SPRR2G: variants seen among roughly 807,000 people sequenced by gnomAD.
SPRR2G encodes small proline rich protein 2G, also known as small proline-rich protein 2G.
SPRR2G carries 1 observed loss-of-function variant against 0.7 expected under a neutral mutation model. That is an observed-to-expected ratio of 1.49 (90% CI 0.53 to 7.06). The LOEUF is 7.06. Among genes scored for constraint, SPRR2G ranks in the 30% most tolerant of loss-of-function variants. The pLI is 0.14. For synonymous variants in SPRR2G, 38 were observed against 33.9 expected (o/e 1.12, Z -0.42); for missense variants, 96 against 88.5 (o/e 1.09, Z -0.34).
chr1:153,180,186 C>T, the SPRR2G span, among the ~76,000 whole-genome samples: 1 of 152,096 alleles, frequency 6.6e-6, no homozygotes, highest in Admixed American at 6.6e-5. Context: ...ACCATGCAAC[C>T]AATGCACAAA....
chr1:153,187,729 A>G, the SPRR2G span, among the ~76,000 whole-genome samples: 1 of 152,052 alleles, frequency 6.6e-6, no homozygotes. Context: ...TGCTCCATCC[A>G]GTTTTATGCC....
chr1:153,173,485 A>C, the SPRR2G span, among the ~76,000 whole-genome samples: 4 of 152,228 alleles, frequency 2.6e-5, no homozygotes, highest in African/African-American at 9.6e-5. Flanking sequence ...GAATCATGGG[A>C]TCAGAAGCAC....
intron 1 of SPRR2G, 109 bp from the exon 2 acceptor site, chr1:153,150,240 T>A (rs906223114): frequency 1.4e-6 from 2 of 1,460,772 alleles, no homozygotes; most frequent in Admixed American, 4.2e-5. Context: ...TGATCCCTAA[T>A]ACAGTCTTTA....
chr1:153,187,001 T>C, the SPRR2G span, among the ~76,000 whole-genome samples: 1 of 152,234 alleles, frequency 6.6e-6, no homozygotes, highest in East Asian at 1.9e-4. Context: ...GAAAATTCTT[T>C]TCTTTAGGAA....
chr1:153,172,905 A>G, the SPRR2G span, among the ~76,000 whole-genome samples: 1 of 152,168 alleles, frequency 6.6e-6, no homozygotes, highest in African/African-American at 2.4e-5. Context: ...CACTTTTTTC[A>G]AGGTGGGGTT....
the SPRR2G span, among the ~76,000 whole-genome samples, chr1:153,191,868 TTAAC>T: frequency 5.9e-3 from 894 of 152,296 alleles, 14 homozygotes; most frequent in African/African-American, 0.021. Flanking sequence ...TGCCTGTTGT[TTAAC>T]TATCCAGCTA....
At chr1:153,202,898 C>T in the SPRR2G span, among the ~76,000 whole-genome samples, 2 of 152,090 alleles carry the variant, frequency 1.3e-5, no homozygotes, top group Non-Finnish European at 2.9e-5. Flanking sequence ...CCACAAAGAC[C>T]CTGGTCAGGC....
At chr1:153,175,177 T>G in the SPRR2G span, among the ~76,000 whole-genome samples, 6 of 152,270 alleles carry the variant, frequency 3.9e-5, no homozygotes, top group South Asian at 6.2e-4. Context: ...TACCATCATC[T>G]CTCACTTGGA....
rs367866890 is a variant in SPRR2G, at chr1:153,150,152, A to C, written c.-21-21T>G. On this transcript the variant is annotated intron_variant, in intron 1 of 1. Coordinates refer to ENST00000368748, the MANE Select transcript of SPRR2G (RefSeq NM_001014291.4). ...AGAATCTGAAAGATACATACGAAAC[A>C]GTGCTCATAAGAGAGACAGTCCTGT... 33 of 1,608,496 alleles carry C rather than the reference A, an allele frequency of 2.1e-5. No individual in the cohort carries two copies. The East Asian group carries it at 7.1e-4, about 35-fold the overall frequency.
the SPRR2G span, among the ~76,000 whole-genome samples, chr1:153,172,085 C>G: frequency 6.6e-6 from 1 of 152,152 alleles, no homozygotes; most frequent in Non-Finnish European, 1.5e-5. Context: ...CAGCATCCTC[C>G]TGAATACATG....
At chr1:153,198,174 C>T in the SPRR2G span, among the ~76,000 whole-genome samples, 7 of 151,862 alleles carry the variant, frequency 4.6e-5, no homozygotes, top group Non-Finnish European at 8.8e-5. Context: ...AGCAAAAACT[C>T]GGAGTTTAAA....
chr1:153,193,433 CAT>C, the SPRR2G span, among the ~76,000 whole-genome samples: 2 of 152,216 alleles, frequency 1.3e-5, no homozygotes, highest in Non-Finnish European at 2.9e-5. Context: ...TGCCCTCAAA[CAT>C]GTGCATGCAC....
the SPRR2G span, among the ~76,000 whole-genome samples, chr1:153,200,111 T>G: frequency 2.6e-5 from 4 of 152,178 alleles, no homozygotes; most frequent in Non-Finnish European, 5.9e-5. Flanking sequence ...AATGGCCCAG[T>G]GACTTTTTTG....
At chr1:153,152,422 T>C (rs1656491410), upstream of SPRR2G, among the ~76,000 whole-genome samples, 1 of 152,142 alleles carries the variant, frequency 6.6e-6, no homozygotes, top group South Asian at 2.1e-4. Flanking sequence ...AGAAGAATGC[T>C]GTGTTGTATC....
At chr1:153,180,605 G>A in the SPRR2G span, among the ~76,000 whole-genome samples, 12 of 152,248 alleles carry the variant, frequency 7.9e-5, no homozygotes, top group Admixed American at 3.9e-4. Flanking sequence ...GTGACTATAT[G>A]TACACACTTC....
At chr1:153,186,527 G>A in the SPRR2G span, among the ~76,000 whole-genome samples, 1 of 152,040 alleles carries the variant, frequency 6.6e-6, no homozygotes, top group Non-Finnish European at 1.5e-5. Context: ...TCAGAGACTA[G>A]AATTGCAATC....
chr1:153,174,963 G>C, the SPRR2G span, among the ~76,000 whole-genome samples: 1 of 152,158 alleles, frequency 6.6e-6, no homozygotes, highest in South Asian at 2.1e-4. Flanking sequence ...CAGGCAGCAG[G>C]CTGTACCCTA....
chr1:153,164,622 CT>C, the SPRR2G span, among the ~76,000 whole-genome samples: 74 of 152,172 alleles, frequency 4.9e-4, 1 homozygote, highest in Admixed American at 1.6e-3. Context: ...TGTATATAAC[CT>C]ATATACATCC....
Position 153,149,904 on chromosome 1 carries a change from T to A in SPRR2G, c.207A>T (p.Pro69=). ...QPYPPCQQKY[P]PKSK ...TCTAGTGATGTTACTTGCTCTTGGG[T>A]GGATACTTCTGCTGGCAGGGTGGGT... Residue 69 remains proline, a synonymous_variant, in exon 2 of 2, where the codon CCA becomes CCT. Transcript: ENST00000368748. 2 of 1,614,084 alleles carry A rather than the reference T, an allele frequency of 1.2e-6. No individual in the cohort carries two copies. Among genetic ancestry groups the A allele is most frequent in the Non-Finnish European group, 1.7e-6 (2 of 1,180,012 alleles).
Sources: gnomAD v4.1 joint callset for allele counts (sites outside exome capture counted in the v4.1 genomes callset) on GRCh38, gnomAD v4.1.1 for gene constraint, MANE v1.5 for transcripts, NCBI Gene and HGNC (gene_info 2026-07-23, HGNC 2026-07-21) for gene names.